Variants in PLXNC1 observed in about 807,000 individuals in gnomAD.
PLXNC1 encodes plexin C1, also known as plexin-C1.
PLXNC1 carries 75 observed loss-of-function variants against 178.2 expected under a neutral mutation model. That is an observed-to-expected ratio of 0.42 (90% CI 0.35 to 0.51). The LOEUF (loss-of-function observed/expected upper bound fraction) is 0.51. Ranked by LOEUF, PLXNC1 falls within the 20% of genes least tolerant of loss-of-function variation. PLXNC1 has a pLI of 0.02. For missense variants in PLXNC1, 1,503 were observed against 1,984.4 expected, an observed-to-expected ratio of 0.76 and a Z score of 4.61; for synonymous variants, 790 against 779.9, an observed-to-expected ratio of 1.01 and a Z score of -0.22.
rs1024313782 is a variant in PLXNC1 at position 94,149,912 on chromosome 12, C to T, written c.941C>T (p.Ala314Val). Residue 314 changes from alanine (A) to valine (V), a missense_variant, in exon 1 of 31, where the codon GCT becomes GTT. Transcript: ENST00000258526. ...TGGGCGGGAGTGTTCAGCGCGGCCG[C>T]TGGAGAGGGCCAGGAGCGGCGCTCC... ...DVWAGVFSAA[A>V]GEGQERRSPT... 2 of 1,589,704 alleles carry T rather than the reference C, an allele frequency of 1.3e-6. No homozygotes were observed. The highest frequency in any genetic ancestry group is 1.3e-5 in the African/African-American group (1 of 74,508).
At chr12:94,192,371 C>A (rs1317860245) in intron 4 of PLXNC1, among the ~76,000 whole-genome samples, 1 of 151,876 alleles carries the variant, frequency 6.6e-6, no homozygotes, top group Non-Finnish European at 1.5e-5. Context: ...GTCCTATGCT[C>A]AGTGCTCAGG....
At chr12:94,264,050 T>C (rs1164028566) in intron 20 of PLXNC1, among the ~76,000 whole-genome samples, 1 of 152,074 alleles carries the variant, frequency 6.6e-6, no homozygotes, top group Admixed American at 6.5e-5. Flanking sequence ...CCCAGCCACG[T>C]GGCTGGCCTT....
chr12:94,222,857 C>A lies in PLXNC1; in HGVS notation c.1703-1371C>A, dbSNP rs140949260. Among the ~76,000 whole-genome samples the A allele has an allele frequency of 2.1e-4, 32 of 152,306 alleles. No individual in the cohort carries two copies. The East Asian group carries it at 3.7e-3, about 17-fold the overall frequency. On this transcript the variant is annotated intron_variant, in intron 6 of 30. Transcript: ENST00000258526. ...CATGTATCAAGTGTCTGTTCAGAGGCTTTTGCAGAGAGGTCATGCCAGCCC... is the reference window on the plus strand; with the variant it reads ...CATGTATCAAGTGTCTGTTCAGAGGATTTTGCAGAGAGGTCATGCCAGCCC...
intron 22 of PLXNC1, among the ~76,000 whole-genome samples, chr12:94,281,221 G>C (rs1966414354): frequency 6.6e-6 from 1 of 152,204 alleles, no homozygotes; most frequent in East Asian, 1.9e-4. Context: ...AGAGGTTGCA[G>C]TGAGCCCAGA....
At position 94,149,613 on chromosome 12, in the gene PLXNC1, C is replaced by T. The variant is rs1202965082; in HGVS notation, c.642C>T (p.Ser214=). ...CGCTCAAGGACACGGAGGGGCGCAG[C>T]CTGGCCACGCAGGAGCTGGGGCGCC... The part of the protein sequence containing the change: ...AIALKDTEGR[S]LATQELGRLK... Residue 214 remains serine (S), a synonymous_variant, in exon 1 of 31, where the codon AGC becomes AGT. Coordinates refer to ENST00000258526, the MANE Select transcript of PLXNC1 (RefSeq NM_005761.3). The T allele has an allele frequency of 6.3e-7, 1 of 1,584,126 alleles. No individual in the cohort carries two copies. The highest frequency in any genetic ancestry group is 1.8e-5 in the Admixed American group (1 of 55,990).
At position 94,175,561 on chromosome 12, in the gene PLXNC1, C is replaced by T. The variant is rs181051477; in HGVS notation, c.1204-5885C>T. On this transcript the variant is annotated intron_variant, in intron 2 of 30. Transcript: ENST00000258526. ...TATATGCAACAAAAATCCCAAGGCT[C>T]GTTAATAGTCTACCATGAGGCTTCA... 5.9e-5 allele frequency among the ~76,000 whole-genome samples: 9 copies of T among 152,210 alleles called. No homozygotes were observed. In the East Asian group the frequency reaches 1.2e-3, roughly 20 times the overall value.
chr12:94,185,992 C>T (rs3858612), intron 3 of PLXNC1: 18,899 of 193,090 alleles, frequency 0.098, 1,546 homozygotes, highest in African/African-American at 0.24. Context: ...CAGTGGTGCA[C>T]GCCTGCAACC....
chr12:94,244,382 G>A (rs537071861), intron 12 of PLXNC1, among the ~76,000 whole-genome samples: 1 of 152,386 alleles, frequency 6.6e-6, no homozygotes, highest in Non-Finnish European at 1.5e-5. Flanking sequence ...TTTCTGTGAA[G>A]AGTAGGTGGT....
intron 4 of PLXNC1, among the ~76,000 whole-genome samples, chr12:94,198,640 A>C (rs923510907): frequency 6.6e-6 from 1 of 152,180 alleles, no homozygotes; most frequent in African/African-American, 2.4e-5. Context: ...GTCTGAAATC[A>C]AGGTGTCAGC....
intron 9 of PLXNC1, 133 bp downstream of exon 9, chr12:94,227,368 G>T: frequency 1.8e-6 from 1 of 567,960 alleles, no homozygotes; most frequent in Non-Finnish European, 3.2e-6. Flanking sequence ...TTGTGTCTTT[G>T]GTTTTTTAAC....
At chr12:94,285,831 G>A (rs1426576554) in intron 23 of PLXNC1, among the ~76,000 whole-genome samples, 2 of 152,182 alleles carry the variant, frequency 1.3e-5, no homozygotes, top group Non-Finnish European at 2.9e-5. Context: ...CAGACTCCAA[G>A]GCCCTCCTCT....
chr12:94,266,108 A>T (rs1206470116), intron 21 of PLXNC1, among the ~76,000 whole-genome samples: 1 of 152,274 alleles, frequency 6.6e-6, no homozygotes, highest in East Asian at 1.9e-4. Context: ...TCATTAAGAG[A>T]GCTGAGTCTT....
Position 94,254,882 on chromosome 12 carries a change from C to T in PLXNC1, c.2977C>T (p.Arg993Cys). The change falls in exon 16 of 31, where the codon CGT becomes TGT. Residue 993 changes from arginine (R) to cysteine (C), a missense_variant. Around this residue, in one of 4 missense-constraint regions of PLXNC1, gnomAD observed 639 missense variants for 979.7 expected, o/e 0.65. Transcript: ENST00000258526. The stretch of plus-strand genomic sequence containing the variant: ...GGAAAGCGAGCTCCGGAAAGAGATA[C>T]GTGACGGTAGGCTCCAAAATTGTGT... ...LLESELRKEI[R>C]DGFAELQMDK... is the part of the protein sequence containing the mutation. The T allele has an allele frequency of 1.2e-6, 2 of 1,608,302 alleles. No individual in the cohort carries two copies. Among genetic ancestry groups the T allele is most frequent in the Non-Finnish European group, 1.7e-6 (2 of 1,176,920 alleles).
At chr12:94,168,106 C>G (rs1961691348) in intron 1 of PLXNC1, 1 of 152,204 alleles carries the variant, frequency 6.6e-6, no homozygotes, top group African/African-American at 2.4e-5. Context: ...CTCCCCCTCC[C>G]CAAATAGGGC....
chr12:94,250,113 G>A (rs1224528839), intron 14 of PLXNC1, among the ~76,000 whole-genome samples: 1 of 152,148 alleles, frequency 6.6e-6, no homozygotes, highest in Non-Finnish European at 1.5e-5. Context: ...AGGTCCTGAG[G>A]CAGGAGGCTG....
chr12:94,286,535 T>C (rs1439189721), intron 23 of PLXNC1, among the ~76,000 whole-genome samples: 2 of 140,268 alleles, frequency 1.4e-5, no homozygotes, highest in Admixed American at 1.5e-4. Context: ...AGCATTTCCC[T>C]CCAAAGAGAC....
chr12:94,267,452 C>G (rs1054837400), intron 21 of PLXNC1, among the ~76,000 whole-genome samples: 2 of 152,144 alleles, frequency 1.3e-5, no homozygotes, highest in African/African-American at 4.8e-5. Flanking sequence ...GAATTCATGT[C>G]GACTCTTGAA....
intron 23 of PLXNC1, among the ~76,000 whole-genome samples, chr12:94,287,035 C>T (rs1966852411): frequency 6.6e-6 from 1 of 152,214 alleles, no homozygotes; most frequent in Admixed American, 6.5e-5. Context: ...CTTTCCATGA[C>T]AATAACCATG....
At chr12:94,290,101 T>C (rs1470893487) in intron 23 of PLXNC1, among the ~76,000 whole-genome samples, 2 of 152,228 alleles carry the variant, frequency 1.3e-5, no homozygotes, top group African/African-American at 4.8e-5. Flanking sequence ...AAACAAAGCG[T>C]CTGACAGTAG....
Sources: allele counts gnomAD v4.1 joint callset (sites outside exome capture counted in the v4.1 genomes callset), GRCh38; gene constraint gnomAD v4.1.1; regional missense constraint gnomAD v4.1.1; transcripts MANE v1.5; gene names NCBI Gene and HGNC (gene_info 2026-07-23, HGNC 2026-07-21).